The following PASD1 variants were observed in gnomAD, a reference collection of about 807,000 sequenced individuals.
PASD1 encodes the protein PAS domain containing repressor 1, also known as circadian clock protein PASD1.
In PASD1, 13 loss-of-function variants were observed where a neutral mutation model predicts 58.8. That is an observed-to-expected ratio of 0.22 (90% CI 0.14 to 0.35). The LOEUF is 0.35. Among genes scored for constraint, PASD1 ranks in the 10% least tolerant of loss-of-function variants. PASD1 has a pLI of 1.00. For synonymous variants in PASD1, 236 were observed against 216.7 expected, an observed-to-expected ratio of 1.09 and a Z score of -0.78; for missense variants, 734 against 568.3, an observed-to-expected ratio of 1.29 and a Z score of -2.96.
chrX:151,604,744 C>G lies in PASD1; in HGVS notation c.117+10C>G. 4 of 1,149,673 alleles carry G rather than the reference C, an allele frequency of 3.5e-6. No individual in the cohort carries two copies. Among genetic ancestry groups the G allele is most frequent in the Non-Finnish European group, 4.8e-6 (4 of 841,908 alleles). The allele number at this position is 1,149,673 out of a possible 1,213,427, so 94.7% of individuals were successfully genotyped here. A position where few individuals can be genotyped will look rare whatever the true frequency, so the allele number is the denominator to read the frequency against. ...CCAAGTGACGCTACAGGTAAGAGGG[C>G]TTTTGTTCTTTGATTACTTCATATG... On this transcript the variant is annotated intron_variant, in intron 3 of 15. Coordinates refer to ENST00000370357, the MANE Select transcript of PASD1 (RefSeq NM_173493.3).
At chrX:151,614,268 A>C (rs1364109723) in intron 4 of PASD1, among the ~76,000 whole-genome samples, 1 of 111,821 alleles carries the variant, frequency 8.9e-6, no homozygotes, top group African/African-American at 3.3e-5. Flanking sequence ...TAAAAGCGTG[A>C]GCCACCATGC....
intron 8 of PASD1, among the ~76,000 whole-genome samples, chrX:151,628,825 A>G (rs189133080): frequency 5.4e-5 from 6 of 111,966 alleles, no homozygotes; most frequent in African/African-American, 2.0e-4. Context: ...ACCCATGAGC[A>G]TGGAATGTTC....
Position 151,674,044 on chromosome X carries a change from C to T in PASD1, c.2033C>T (p.Ser678Leu). The T allele has an allele frequency of 8.3e-7, 1 of 1,211,744 alleles. No individual in the cohort carries two copies. The highest frequency in any genetic ancestry group is 1.1e-6 in the Non-Finnish European group (1 of 895,380). Residue 678 changes from serine to leucine, a missense_variant, in exon 15 of 16, where the codon TCA (serine) becomes TTA (leucine). Coordinates refer to ENST00000370357, the MANE Select transcript of PASD1 (RefSeq NM_173493.3). ...CCTCAGTTTCCCATAACTTCAGACT[C>T]AACCATAAGCACCCTGGAGACCCCA... ...SIPQFPITSD[S>L]TISTLETPQD...
chrX:151,576,551 C>T (rs1468384751), intron 1 of PASD1, among the ~76,000 whole-genome samples: 2 of 112,299 alleles, frequency 1.8e-5, no homozygotes, highest in African/African-American at 3.2e-5. Flanking sequence ...TGAGATTCTA[C>T]TTGATCACTT....
chrX:151,625,394 A>C, intron 7 of PASD1, 54 bp from the exon 8 acceptor site: 1 of 940,373 alleles, frequency 1.1e-6, no homozygotes, highest in Non-Finnish European at 1.5e-6. Flanking sequence ...TATGCTGTGC[A>C]TTTTTACTAT....
intron 1 of PASD1, among the ~76,000 whole-genome samples, chrX:151,567,045 AAAAT>A (rs370364202): frequency 0.17 from 16,256 of 94,778 alleles, 1,294 homozygotes; most frequent in Middle Eastern, 0.19. Context: ...ACTCCGTCTC[AAAAT>A]AAATAAATAA....
At chrX:151,629,984 A>C (rs2013847195) in intron 8 of PASD1, among the ~76,000 whole-genome samples, 2 of 111,869 alleles carry the variant, frequency 1.8e-5, no homozygotes, top group South Asian at 7.5e-4. Flanking sequence ...CATAAGATAC[A>C]TAATAAAAGT....
chrX:151,644,067 A>G (rs1021617540), intron 8 of PASD1, among the ~76,000 whole-genome samples: 2 of 111,925 alleles, frequency 1.8e-5, no homozygotes, highest in African/African-American at 6.5e-5. Flanking sequence ...AACCGATCCA[A>G]ATTACATCCA....
At chrX:151,672,834 C>A in intron 14 of PASD1, 173 bp downstream of exon 14, 2 of 786,106 alleles carry the variant, frequency 2.5e-6, no homozygotes, top group Non-Finnish European at 3.5e-6. Flanking sequence ...CATCATCCTT[C>A]TGCATGTGTG....
intron 10 of PASD1, 132 bp downstream of exon 10, chrX:151,659,968 C>T: frequency 3.6e-6 from 2 of 560,984 alleles, no homozygotes; most frequent in Non-Finnish European, 5.1e-6. Context: ...CAACTTTCTT[C>T]ATCTTCTGTA....
intron 11 of PASD1, among the ~76,000 whole-genome samples, chrX:151,667,638 A>C (rs948076747): frequency 3.8e-4 from 43 of 112,171 alleles, no homozygotes; most frequent in Non-Finnish European, 9.4e-5. Context: ...TAAATAGGGA[A>C]TCCTTTCCCC....
chrX:151,670,135 T>C (rs868612198), intron 11 of PASD1, among the ~76,000 whole-genome samples: 3 of 112,057 alleles, frequency 2.7e-5, no homozygotes, highest in African/African-American at 9.7e-5. Context: ...ATCTCTATCC[T>C]GAATTACTCC....
chrX:151,604,613 A>T (rs1258472621), intron 2 of PASD1, 33 bp from the exon 3 acceptor site: 2 of 1,025,874 alleles, frequency 1.9e-6, no homozygotes, highest in African/African-American at 3.7e-5. Flanking sequence ...TTAATGTGAC[A>T]CTGTTCTGTA....
chrX:151,662,365 C>T (rs773796508), intron 10 of PASD1, among the ~76,000 whole-genome samples: 2 of 110,637 alleles, frequency 1.8e-5, no homozygotes, highest in South Asian at 7.7e-4. Context: ...TTTATCATGT[C>T]TGCATCTTTT....
At chrX:151,583,127 G>T (rs958753030) in intron 1 of PASD1, among the ~76,000 whole-genome samples, 6 of 111,158 alleles carry the variant, frequency 5.4e-5, no homozygotes, top group Non-Finnish European at 9.4e-5. Context: ...TTGAAAAAGG[G>T]CCAATGCTAA....
chrX:151,581,409 T>C (rs918370758), intron 1 of PASD1, among the ~76,000 whole-genome samples: 2 of 108,286 alleles, frequency 1.8e-5, no homozygotes, highest in African/African-American at 3.3e-5. Flanking sequence ...CTGGGAAATA[T>C]AGTAAAACCT....
At chrX:151,675,170 T>C (rs1035190741) in intron 15 of PASD1, among the ~76,000 whole-genome samples, 3 of 111,796 alleles carry the variant, frequency 2.7e-5, no homozygotes, top group Non-Finnish European at 5.6e-5. Flanking sequence ...CCCAGGGAAG[T>C]GGGAAAGGTC....
rs2014137635 is a variant in PASD1, at chrX:151,652,303, G to T, written c.717+3601G>T. 3.6e-5 allele frequency among the ~76,000 whole-genome samples: 4 copies of T among 111,499 alleles called. No individual in the cohort carries two copies. In the South Asian group the frequency reaches 1.5e-3, roughly 42 times the overall value. On this transcript the variant is annotated intron_variant, in intron 9 of 15. Transcript: ENST00000370357. ...AATCCCAGCACTTTGGGAGGCCGAG[G>T]CAGGCAGATCACGAGGTCAGGAGTT...
chrX:151,599,558 G>A (rs751024949), intron 1 of PASD1, among the ~76,000 whole-genome samples: 6 of 110,566 alleles, frequency 5.4e-5, no homozygotes, highest in East Asian at 2.9e-4. Flanking sequence ...CGGGGCGGCC[G>A]GTCAGAGACG....
Sources: gnomAD v4.1 joint callset for allele counts (sites outside exome capture counted in the v4.1 genomes callset) on GRCh38, gnomAD v4.1.1 for gene constraint, MANE v1.5 for transcripts, NCBI Gene and HGNC (gene_info 2026-07-23, HGNC 2026-07-21) for gene names.